Variants in PLXNA4 observed in about 807,000 individuals in gnomAD.
PLXNA4 encodes plexin-A4.
Under a neutral mutation model 191.8 loss-of-function variants are expected in PLXNA4, and 44 were observed. The ratio of observed to expected loss-of-function variants is 0.23; its 90% confidence interval spans 0.18 to 0.29. The LOEUF (loss-of-function observed/expected upper bound fraction) is 0.29, where lower values mean the gene tolerates loss of function less well. PLXNA4 is among the 10% of genes least tolerant of loss of function. PLXNA4 has a pLI of 1.00. For synonymous variants in PLXNA4, 1,082 were observed against 1,009.5 expected (o/e 1.07, Z -1.36); for missense variants, 1,800 against 2,488.8 (o/e 0.72, Z 5.89).
At chr7:132,628,442 T>TA (rs1803426160) in intron 2 of PLXNA4, among the ~76,000 whole-genome samples, 1 of 152,246 alleles carries the variant, frequency 6.6e-6, no homozygotes, top group African/African-American at 2.4e-5. Flanking sequence ...TATTTTCTGT[T>TA]AGAGTGTTTT....
At chr7:132,585,961 G>C (rs1585387288) in intron 2 of PLXNA4, among the ~76,000 whole-genome samples, 1 of 152,172 alleles carries the variant, frequency 6.6e-6, no homozygotes, top group African/African-American at 2.4e-5. Flanking sequence ...TGGTTAGGCT[G>C]GTGTTGCTCT....
At chr7:132,482,334 C>A (rs111671530) in intron 3 of PLXNA4, among the ~76,000 whole-genome samples, 2,040 of 152,324 alleles carry the variant, frequency 0.013, 28 homozygotes, top group Middle Eastern at 0.051. Flanking sequence ...GAGAAGCCTG[C>A]TGCTGCACTC....
At chr7:132,370,515 T>A (rs146861846) in intron 3 of PLXNA4, among the ~76,000 whole-genome samples, 2 of 152,346 alleles carry the variant, frequency 1.3e-5, no homozygotes, top group East Asian at 3.9e-4. Flanking sequence ...TATCCATTTG[T>A]ATTTGGATGC....
intron 1 of PLXNA4, among the ~76,000 whole-genome samples, chr7:132,520,936 G>A (rs1045825838): frequency 1.3e-5 from 2 of 152,068 alleles, no homozygotes; most frequent in South Asian, 2.1e-4. Context: ...AACATCTAGT[G>A]GGAGTGCCTC....
At chr7:132,146,385 G>T in intron 28 of PLXNA4, 125 bp downstream of exon 28, 2 of 1,503,664 alleles carry the variant, frequency 1.3e-6, no homozygotes, top group Non-Finnish European at 1.8e-6. Flanking sequence ...GTGCCTCCTG[G>T]GGTGGGTAAT....
chr7:132,473,407 C>T (rs1173986776), intron 3 of PLXNA4, among the ~76,000 whole-genome samples: 5 of 152,154 alleles, frequency 3.3e-5, no homozygotes, highest in African/African-American at 1.2e-4. Flanking sequence ...AGGGCAGTGG[C>T]GGCAGGTCCT....
chr7:132,462,841 T>TTA (rs1796564923), intron 3 of PLXNA4, among the ~76,000 whole-genome samples: 1 of 18,090 alleles, frequency 5.5e-5, no homozygotes, highest in African/African-American at 7.7e-5. Flanking sequence ...CTATAATTTT[T>TTA]TTTTTTTTTT....
At chr7:132,199,700 G>A (rs1797369796) in intron 12 of PLXNA4, among the ~76,000 whole-genome samples, 3 of 152,186 alleles carry the variant, frequency 2.0e-5, no homozygotes, top group Admixed American at 2.0e-4. Flanking sequence ...AGGGCCACAA[G>A]TGGGAATTCC....
At chr7:132,590,463 G>A (rs1269626730) in intron 2 of PLXNA4, among the ~76,000 whole-genome samples, 2 of 152,200 alleles carry the variant, frequency 1.3e-5, no homozygotes, top group South Asian at 4.1e-4. Context: ...AGGAAGCCAG[G>A]CTGAGTCCCA....
chr7:132,230,235 T>C (rs769441846), intron 5 of PLXNA4, among the ~76,000 whole-genome samples: 23 of 152,178 alleles, frequency 1.5e-4, no homozygotes, highest in Non-Finnish European at 2.5e-4. Flanking sequence ...AGACGCACCC[T>C]GCGGCCTGTA....
chr7:132,523,630 G>C (rs1799278299), intron 1 of PLXNA4, among the ~76,000 whole-genome samples: 1 of 152,178 alleles, frequency 6.6e-6, no homozygotes, highest in African/African-American at 2.4e-5. Context: ...AGGGTCTATG[G>C]CTAGCAAGCT....
At position 132,484,921 on chromosome 7, in the gene PLXNA4, C is replaced by A. The variant is rs1290072572; in HGVS notation, c.1371+4371G>T. 10 of 1,614,222 alleles carry A rather than the reference C, an allele frequency of 6.2e-6. No individual in the cohort carries two copies. The East Asian group carries it at 2.2e-4, about 36-fold the overall frequency. ...AGCACTGAAGATACACACACAGCAT[C>A]TGTTCCTGAGAAGCAATGTTCGCCC... On this transcript the variant is annotated intron_variant, in intron 3 of 31. Transcript: ENST00000321063.
chr7:132,502,748 A>G (rs1798306442), intron 2 of PLXNA4, among the ~76,000 whole-genome samples: 1 of 152,134 alleles, frequency 6.6e-6, no homozygotes, highest in Non-Finnish European at 1.5e-5. Flanking sequence ...CATTCCCTCA[A>G]CTGCAGAGGA....
chr7:132,437,007 T>C (rs933280356), intron 3 of PLXNA4, among the ~76,000 whole-genome samples: 5 of 152,190 alleles, frequency 3.3e-5, no homozygotes, highest in Admixed American at 6.5e-5. Flanking sequence ...CTACAGATGC[T>C]CCATCGCCAT....
intron 3 of PLXNA4, among the ~76,000 whole-genome samples, chr7:132,467,368 C>T (rs965026206): frequency 3.3e-5 from 5 of 152,144 alleles, no homozygotes; most frequent in South Asian, 2.1e-4. Flanking sequence ...CGCCTGAGAC[C>T]GTGGGCCAGA....
At chr7:132,587,415 A>G (rs1802522357) in intron 2 of PLXNA4, among the ~76,000 whole-genome samples, 1 of 152,206 alleles carries the variant, frequency 6.6e-6, no homozygotes. Flanking sequence ...GAAAAAATAA[A>G]TTGTCTTGAG....
intron 3 of PLXNA4, among the ~76,000 whole-genome samples, chr7:132,370,968 G>A (rs906419977): frequency 2.3e-4 from 35 of 152,218 alleles, no homozygotes; most frequent in Admixed American, 2.2e-3. Context: ...ACCTGAATTA[G>A]TGTTGGCCAC....
intron 3 of PLXNA4, among the ~76,000 whole-genome samples, chr7:132,302,349 T>C (rs1801340179): frequency 6.6e-6 from 1 of 152,058 alleles, no homozygotes; most frequent in Admixed American, 6.6e-5. Flanking sequence ...ACGTGGCAAA[T>C]AGCCCTGGGA....
chr7:132,323,911 T>C (rs1375611820), intron 3 of PLXNA4, among the ~76,000 whole-genome samples: 1 of 152,086 alleles, frequency 6.6e-6, no homozygotes, highest in Non-Finnish European at 1.5e-5. Context: ...CAAGCAGAAA[T>C]GATGCAATTC....
Sources: gnomAD v4.1 joint callset for allele counts (sites outside exome capture counted in the v4.1 genomes callset) on GRCh38, gnomAD v4.1.1 for gene constraint, MANE v1.5 for transcripts, NCBI Gene and HGNC (gene_info 2026-07-23, HGNC 2026-07-21) for gene names.